The following GXYLT2 variants were observed in gnomAD, a reference collection of about 807,000 sequenced individuals.
The protein encoded by GXYLT2 is glycosyltransferase 8 domain containing 4.
Under a neutral mutation model 45.8 loss-of-function variants are expected in GXYLT2, and 53 were observed. The observed-to-expected ratio is 1.16, with a 90% confidence interval of 0.93 to 1.46. The LOEUF is 1.46. Ranked by LOEUF, GXYLT2 falls within the 40% of genes most tolerant of loss-of-function variation. GXYLT2 has a pLI of 0.00. For missense variants in GXYLT2, 551 were observed against 544.4 expected (o/e 1.01, Z -0.12); for synonymous variants, 219 against 214.2 (o/e 1.02, Z -0.19).
chr3:72,915,358 G>C (rs1269748655), intron 2 of GXYLT2, among the ~76,000 whole-genome samples: 1 of 103,992 alleles, frequency 9.6e-6, no homozygotes, highest in African/African-American at 6.0e-5. Context: ...TTTTTTTGCG[G>C]GGGGGGGGGG....
intron 3 of GXYLT2, 47 bp from the exon 4 acceptor site, chr3:72,955,051 G>A: frequency 6.3e-7 from 1 of 1,587,582 alleles, no homozygotes; most frequent in African/African-American, 1.4e-5. Context: ...TTTTTGTTTT[G>A]TTTTCTTCCC....
At chr3:72,968,837 G>A (rs539572894) in intron 6 of GXYLT2, among the ~76,000 whole-genome samples, 3 of 152,272 alleles carry the variant, frequency 2.0e-5, no homozygotes, top group East Asian at 1.9e-4. Context: ...CAAGGTTGGC[G>A]GATCACGAGG....
chr3:72,963,221 CA>C (rs1251236001), intron 5 of GXYLT2, among the ~76,000 whole-genome samples: 1 of 152,026 alleles, frequency 6.6e-6, no homozygotes, highest in Non-Finnish European at 1.5e-5. Context: ...TTAAAATGAT[CA>C]GGCATAAACT....
intron 2 of GXYLT2, 103 bp downstream of exon 2, chr3:72,908,662 TTG>T: frequency 1.1e-6 from 1 of 944,104 alleles, no homozygotes; most frequent in Non-Finnish European, 1.6e-6. Context: ...GCATGTTCAA[TTG>T]TGTGACTTTG....
At chr3:72,950,132 G>C (rs141200116) in intron 3 of GXYLT2, among the ~76,000 whole-genome samples, 15 of 151,842 alleles carry the variant, frequency 9.9e-5, no homozygotes, top group African/African-American at 3.6e-4. Context: ...AGACCAACCT[G>C]GCAACAAACC....
At chr3:72,941,212 A>G (rs971557055) in intron 3 of GXYLT2, among the ~76,000 whole-genome samples, 4 of 152,136 alleles carry the variant, frequency 2.6e-5, no homozygotes, top group Non-Finnish European at 4.4e-5. Context: ...GGGTTATTAT[A>G]TTATCCTGTT....
intron 3 of GXYLT2, among the ~76,000 whole-genome samples, chr3:72,927,652 T>C (rs1026360536): frequency 2.6e-5 from 4 of 152,164 alleles, no homozygotes; most frequent in African/African-American, 7.2e-5. Context: ...GACACACATA[T>C]AGGAATATAT....
intron 1 of GXYLT2, among the ~76,000 whole-genome samples, chr3:72,889,735 A>C (rs1709141472): frequency 6.6e-6 from 1 of 152,156 alleles, no homozygotes; most frequent in Non-Finnish European, 1.5e-5. Context: ...GTTTGATGGG[A>C]CAACTGGTAA....
intron 1 of GXYLT2, among the ~76,000 whole-genome samples, chr3:72,895,061 G>T (rs1709262277): frequency 6.6e-6 from 1 of 152,190 alleles, no homozygotes; most frequent in Non-Finnish European, 1.5e-5. Flanking sequence ...ACAACAGAGG[G>T]CTAAGGGAAC....
intron 1 of GXYLT2, among the ~76,000 whole-genome samples, chr3:72,903,813 C>G (rs1291974894): frequency 6.6e-6 from 1 of 152,218 alleles, no homozygotes; most frequent in Non-Finnish European, 1.5e-5. Context: ...TGATTGGGAA[C>G]ATCTTTTTAG....
At chr3:72,971,553 A>T (rs1710985451) in intron 6 of GXYLT2, among the ~76,000 whole-genome samples, 1 of 152,150 alleles carries the variant, frequency 6.6e-6, no homozygotes, top group Non-Finnish European at 1.5e-5. Context: ...TCAAGTGTAG[A>T]TAATAAGATT....
intron 3 of GXYLT2, among the ~76,000 whole-genome samples, chr3:72,940,892 C>G (rs536484433): frequency 2.6e-5 from 4 of 152,250 alleles, no homozygotes; most frequent in Admixed American, 2.6e-4. Context: ...GTTGCCCAGG[C>G]TGGAACTGAA....
chr3:72,948,231 C>G (rs1710448786), intron 3 of GXYLT2, among the ~76,000 whole-genome samples: 1 of 152,112 alleles, frequency 6.6e-6, no homozygotes, highest in South Asian at 2.1e-4. Flanking sequence ...TATAGAAGAC[C>G]TTGACAACAC....
chr3:72,889,232 C>A (rs772692315), intron 1 of GXYLT2, among the ~76,000 whole-genome samples: 2 of 152,176 alleles, frequency 1.3e-5, no homozygotes, highest in Non-Finnish European at 2.9e-5. Context: ...GTTGCTGGAA[C>A]GCCCCGCAGG....
chr3:72,940,932 G>A (rs143635937), intron 3 of GXYLT2, among the ~76,000 whole-genome samples: 210 of 152,146 alleles, frequency 1.4e-3, no homozygotes, highest in African/African-American at 4.9e-3. Context: ...CTCCCACCTC[G>A]GTCTCCCAAA....
chr3:72,904,223 T>C (rs1354084355), intron 1 of GXYLT2, among the ~76,000 whole-genome samples: 3 of 152,194 alleles, frequency 2.0e-5, no homozygotes, highest in East Asian at 3.8e-4. Flanking sequence ...ATTCAAGGGG[T>C]TAAGAAGTCC....
intron 1 of GXYLT2, among the ~76,000 whole-genome samples, chr3:72,906,518 A>G (rs1238350369): frequency 2.0e-5 from 3 of 152,150 alleles, no homozygotes; most frequent in Non-Finnish European, 4.4e-5. Context: ...TTATTTAGTT[A>G]CCATCCACTT....
At chr3:72,891,999 C>T (rs991535547) in intron 1 of GXYLT2, among the ~76,000 whole-genome samples, 2 of 152,108 alleles carry the variant, frequency 1.3e-5, no homozygotes, top group African/African-American at 4.8e-5. Context: ...GAAAACTCCT[C>T]CTTGAGCCTA....
At chr3:72,957,379 T>C in intron 5 of GXYLT2, 27 bp downstream of exon 5, 1 of 1,572,698 alleles carries the variant, frequency 6.4e-7, no homozygotes, top group Non-Finnish European at 8.6e-7. Context: ...GAATGCCTTT[T>C]GTGTAGGAGT....
Sources: gnomAD v4.1 joint callset for allele counts (sites outside exome capture counted in the v4.1 genomes callset) on GRCh38, gnomAD v4.1.1 for gene constraint, MANE v1.5 for transcripts, NCBI Gene and HGNC (gene_info 2026-07-23, HGNC 2026-07-21) for gene names.